KCND2: variants seen among roughly 807,000 people sequenced by gnomAD.
KCND2 encodes the protein potassium voltage-gated channel subfamily D member 2.
In KCND2, 16 loss-of-function variants were observed where a neutral mutation model predicts 54.4. That is an observed-to-expected ratio of 0.29 (90% confidence interval 0.20 to 0.45). KCND2 has a LOEUF of 0.45. Ranked by LOEUF, KCND2 falls within the 20% of genes least tolerant of loss-of-function variation. The pLI is 1.00. For missense variants in KCND2, 486 were observed against 824.2 expected (o/e 0.59, Z 5.02); for synonymous variants, 317 against 310.7 (o/e 1.02, Z -0.21).
chr7:120,381,681 G>A lies in KCND2; in HGVS notation c.1115+105934G>A, dbSNP rs1164834775. ...ATCCTCAGAGAGAAGTAAGATCTCC[G>A]AAAAGTTAGTCAAAATTAGAGGTTA... is the stretch of plus-strand genomic sequence containing the variant. On this transcript the variant is annotated intron_variant, in intron 1 of 5. Coordinates refer to ENST00000331113, the MANE Select transcript of KCND2 (RefSeq NM_012281.3). Among the ~76,000 whole-genome samples, 8 of 151,998 alleles carry A rather than the reference G, an allele frequency of 5.3e-5. No individual in the cohort carries two copies. In the East Asian group the frequency reaches 5.8e-4, roughly 11 times the overall value.
intron 1 of KCND2, among the ~76,000 whole-genome samples, chr7:120,541,738 G>T (rs897825199): frequency 3.3e-5 from 5 of 152,074 alleles, no homozygotes; most frequent in Non-Finnish European, 5.9e-5. Context: ...GATTGCATAA[G>T]CATGGTGTGA....
At chr7:120,444,991 G>T in intron 1 of KCND2, among the ~76,000 whole-genome samples, 1 of 151,988 alleles carries the variant, frequency 6.6e-6, no homozygotes, top group East Asian at 1.9e-4. Context: ...TTAATTTTCT[G>T]CCCACTTCAC....
chr7:120,692,850 G>A (rs1017479545), intron 1 of KCND2, among the ~76,000 whole-genome samples: 2 of 152,076 alleles, frequency 1.3e-5, no homozygotes, highest in Admixed American at 6.5e-5. Context: ...TATGAAAGAA[G>A]GTGCTTTATT....
At chr7:120,467,715 C>A (rs1861064) in intron 1 of KCND2, among the ~76,000 whole-genome samples, 2 of 151,946 alleles carry the variant, frequency 1.3e-5, no homozygotes, top group African/African-American at 4.8e-5. Context: ...TTGTTTACTC[C>A]TTTTTGTCAT....
chr7:120,418,666 T>C (rs759879016), intron 1 of KCND2, among the ~76,000 whole-genome samples: 8 of 152,166 alleles, frequency 5.3e-5, no homozygotes, highest in Non-Finnish European at 1.0e-4. Context: ...TCAGCCAGGC[T>C]TGAGAATCAC....
chr7:120,675,855 CTTTTTT>C (rs58226731), intron 1 of KCND2, among the ~76,000 whole-genome samples: 6 of 121,548 alleles, frequency 4.9e-5, no homozygotes, highest in African/African-American at 9.7e-5. Context: ...TCTTTCTATT[CTTTTTT>C]TTTTTTTTTT....
chr7:120,719,520 A>AGCACAATGTGTGC (rs1792641811), intron 1 of KCND2, among the ~76,000 whole-genome samples: 1 of 152,144 alleles, frequency 6.6e-6, no homozygotes, highest in Non-Finnish European at 1.5e-5. Context: ...CTTGTTTTTA[A>AGCACAATGTGTGC]TTTAAAGCAC....
At chr7:120,365,123 T>C (rs1800649112) in intron 1 of KCND2, among the ~76,000 whole-genome samples, 1 of 151,334 alleles carries the variant, frequency 6.6e-6, no homozygotes, top group South Asian at 2.1e-4. Context: ...TTTCTTCGTA[T>C]TTTGCTTTGA....
At chr7:120,569,610 A>G (rs1792338454) in intron 1 of KCND2, among the ~76,000 whole-genome samples, 1 of 152,172 alleles carries the variant, frequency 6.6e-6, no homozygotes, top group Admixed American at 6.6e-5. Context: ...CTGACTTTGG[A>G]TCAATAAATA....
intron 1 of KCND2, among the ~76,000 whole-genome samples, chr7:120,437,691 A>G (rs1004971277): frequency 6.6e-6 from 1 of 152,240 alleles, no homozygotes; most frequent in Non-Finnish European, 1.5e-5. Context: ...ACTGAACAGT[A>G]TAGTGATGTT....
chr7:120,669,195 T>TAAGAAAAC (rs1791962258), intron 1 of KCND2, among the ~76,000 whole-genome samples: 1 of 152,082 alleles, frequency 6.6e-6, no homozygotes, highest in Non-Finnish European at 1.5e-5. Context: ...TTATCTCACA[T>TAAGAAAAC]GTTTAAAAGT....
At chr7:120,342,901 C>G (rs1410066411) in intron 1 of KCND2, among the ~76,000 whole-genome samples, 1 of 152,034 alleles carries the variant, frequency 6.6e-6, no homozygotes, top group Non-Finnish European at 1.5e-5. Flanking sequence ...CTTGCATGAT[C>G]AATGACAGAA....
chr7:120,713,716 G>A (rs1380933066), intron 1 of KCND2, among the ~76,000 whole-genome samples: 1 of 152,122 alleles, frequency 6.6e-6, no homozygotes, highest in African/African-American at 2.4e-5. Flanking sequence ...AGTTGTATCA[G>A]ATTTTTCCTG....
chr7:120,630,643 C>T (rs894848410), intron 1 of KCND2, among the ~76,000 whole-genome samples: 2 of 152,056 alleles, frequency 1.3e-5, no homozygotes, highest in Non-Finnish European at 2.9e-5. Context: ...TAGTAAAGCT[C>T]CTTCTTATTG....
chr7:120,494,608 A>G (rs934320909), intron 1 of KCND2, among the ~76,000 whole-genome samples: 20 of 152,146 alleles, frequency 1.3e-4, no homozygotes, highest in African/African-American at 4.8e-4. Context: ...TCTTTAAACA[A>G]TTCTAAAAAT....
chr7:120,312,009 A>G (rs1019101200), intron 1 of KCND2, among the ~76,000 whole-genome samples: 1 of 152,132 alleles, frequency 6.6e-6, no homozygotes, highest in Non-Finnish European at 1.5e-5. Flanking sequence ...GGTTCAAACA[A>G]TTCTCCTGCC....
intron 1 of KCND2, among the ~76,000 whole-genome samples, chr7:120,555,878 C>T (rs1050654430): frequency 6.6e-6 from 1 of 152,108 alleles, no homozygotes; most frequent in Non-Finnish European, 1.5e-5. Flanking sequence ...GAGATATTTT[C>T]CCTGATGGAC....
rs1792078714 is a variant in KCND2, at chr7:120,677,526, TATAG to T, written c.1116-55373_1116-55370del. On this transcript the variant is annotated intron_variant, in intron 1 of 5. Coordinates refer to ENST00000331113, the MANE Select transcript of KCND2 (RefSeq NM_012281.3). Reference sequence around the variant, plus strand: ...GGTGGTAAGAATTCAAATATATATATATAGATATAGATATAGATATAGATATATA... The same window carrying T: ...GGTGGTAAGAATTCAAATATATATATATATAGATATAGATATAGATATATA... 2.3e-5 allele frequency among the ~76,000 whole-genome samples: 3 copies of T among 130,036 alleles called. No homozygotes were observed. The South Asian group carries it at 6.8e-4, about 30-fold the overall frequency. The allele number at this position is 130,036 out of a possible 152,430, so 85.3% of individuals were successfully genotyped here. A position where few individuals can be genotyped will look rare whatever the true frequency, so the allele number is the denominator to read the frequency against.
chr7:120,554,415 TA>T (rs1200206811), intron 1 of KCND2, among the ~76,000 whole-genome samples: 8 of 151,716 alleles, frequency 5.3e-5, no homozygotes, highest in Admixed American at 4.6e-4. Flanking sequence ...TTTTTTAATT[TA>T]TTTTTTTTTT....
Sources: gnomAD v4.1 joint callset for allele counts (sites outside exome capture counted in the v4.1 genomes callset) on GRCh38, gnomAD v4.1.1 for gene constraint, MANE v1.5 for transcripts, NCBI Gene and HGNC (gene_info 2026-07-23, HGNC 2026-07-21) for gene names.